Variants in TENM4 observed in about 807,000 individuals in gnomAD.
The protein encoded by TENM4 is teneurin-4.
In TENM4, 82 loss-of-function variants were observed where a neutral mutation model predicts 243.3. The ratio of observed to expected loss-of-function variants is 0.34; its 90% confidence interval spans 0.28 to 0.40. The LOEUF is 0.40. Among genes scored for constraint, TENM4 ranks in the 10% least tolerant of loss-of-function variants. The pLI is 1.00. For synonymous variants in TENM4, 1,412 were observed against 1,456.3 expected (o/e 0.97, Z 0.69); for missense variants, 3,138 against 3,673.3 (o/e 0.85, Z 3.77).
intron 2 of TENM4, among the ~76,000 whole-genome samples, chr11:79,269,370 G>A (rs1324347787): frequency 6.6e-6 from 1 of 152,212 alleles, no homozygotes; most frequent in Non-Finnish European, 1.5e-5. Context: ...AAGTTAGCCA[G>A]AGAATGTGTC....
intron 2 of TENM4, among the ~76,000 whole-genome samples, chr11:79,216,562 T>G (rs957940417): frequency 2.0e-5 from 3 of 152,234 alleles, no homozygotes; most frequent in African/African-American, 7.2e-5. Context: ...TGGAGGTGCC[T>G]GGATTGTGAT....
At chr11:79,430,341 C>A (rs1180283485) in intron 1 of TENM4, among the ~76,000 whole-genome samples, 1 of 152,140 alleles carries the variant, frequency 6.6e-6, no homozygotes. Context: ...TACAATGGCC[C>A]AGATGGGAAC....
chr11:79,314,745 T>C lies in TENM4; in HGVS notation c.-320-17202A>G, dbSNP rs569274499. On this transcript the variant is annotated intron_variant, in intron 1 of 33. Coordinates refer to ENST00000278550, the MANE Select transcript of TENM4 (RefSeq NM_001098816.3). ...AGGGGTAGAAAAGGGGAGTAAGACA[T>C]AATCCATATACTCATGGAGCTCACA... Among the ~76,000 whole-genome samples, 3 of 152,292 alleles carry C rather than the reference T, an allele frequency of 2.0e-5. No individual in the cohort carries two copies. In the South Asian group the frequency reaches 6.2e-4, roughly 32 times the overall value.
At chr11:79,089,074 C>T (rs1486971087) in intron 4 of TENM4, among the ~76,000 whole-genome samples, 1 of 152,194 alleles carries the variant, frequency 6.6e-6, no homozygotes, top group Non-Finnish European at 1.5e-5. Context: ...TGGTCTTCCT[C>T]CAGCTCTGGC....
rs186810044 is a variant in TENM4 at position 79,148,816 on chromosome 11, G to C, written c.-162-10C>G. The C allele has an allele frequency of 2.2e-6, 2 of 928,798 alleles. No homozygotes were observed. The highest frequency in any genetic ancestry group is 1.2e-4 in the Admixed American group (2 of 16,172). 57.5% of individuals were successfully genotyped at this position (928,798 alleles called of 1,614,324 possible). On this transcript the variant is annotated splice_polypyrimidine_tract_variant and intron_variant, in intron 3 of 33. Coordinates refer to ENST00000278550, the MANE Select transcript of TENM4 (RefSeq NM_001098816.3). ...GGTAATTTCAGTCTACCTGTTGAAA[G>C]AGACAAGAGACAAATCAGTCATTTT...
intron 2 of TENM4, among the ~76,000 whole-genome samples, chr11:79,294,246 A>T (rs186419198): frequency 1.1e-4 from 16 of 152,336 alleles, no homozygotes; most frequent in Admixed American, 3.3e-4. Flanking sequence ...GTCAGTCTCT[A>T]TGTGTCACTT....
chr11:79,062,676 C>G (rs552888664), intron 6 of TENM4, among the ~76,000 whole-genome samples: 1 of 152,276 alleles, frequency 6.6e-6, no homozygotes, highest in African/African-American at 2.4e-5. Context: ...TTCATTTAAA[C>G]TATTTATTTT....
chr11:78,843,142 G>T (rs1208962923), intron 12 of TENM4, among the ~76,000 whole-genome samples: 2 of 152,036 alleles, frequency 1.3e-5, no homozygotes, highest in East Asian at 3.9e-4. Context: ...GCTGGGCATG[G>T]TGGTGGGCGC....
intron 21 of TENM4, 34 bp downstream of exon 21, chr11:78,732,282 A>G: frequency 6.4e-7 from 1 of 1,556,540 alleles, no homozygotes; most frequent in Non-Finnish European, 8.7e-7. Context: ...ATGAAATAAA[A>G]GCATGGTGGA....
intron 1 of TENM4, among the ~76,000 whole-genome samples, chr11:79,379,199 G>A (rs980557025): frequency 6.6e-6 from 1 of 152,190 alleles, no homozygotes; most frequent in Non-Finnish European, 1.5e-5. Flanking sequence ...GTGGGTTCAA[G>A]GACAGAGCAG....
intron 4 of TENM4, among the ~76,000 whole-genome samples, chr11:79,106,096 T>C (rs1861358472): frequency 6.6e-6 from 1 of 152,246 alleles, no homozygotes; most frequent in Non-Finnish European, 1.5e-5. Context: ...AAGATAATCA[T>C]ATGAAGTGGA....
intron 16 of TENM4, among the ~76,000 whole-genome samples, chr11:78,784,412 C>T (rs1009758647): frequency 1.2e-4 from 18 of 152,090 alleles, no homozygotes; most frequent in Admixed American, 3.9e-4. Flanking sequence ...TCCTTCAGCA[C>T]GAGGGTGGTG....
intron 3 of TENM4, among the ~76,000 whole-genome samples, chr11:79,154,451 G>A (rs1862565035): frequency 2.0e-5 from 3 of 152,042 alleles, no homozygotes; most frequent in Admixed American, 2.0e-4. Context: ...TCCAACACTG[G>A]AGGTCACATT....
chr11:79,344,110 C>A (rs555555546), intron 1 of TENM4, among the ~76,000 whole-genome samples: 1 of 152,176 alleles, frequency 6.6e-6, no homozygotes, highest in Non-Finnish European at 1.5e-5. Context: ...TACTCCCAGA[C>A]CTAGGTGGGA....
Position 79,373,260 on chromosome 11 carries a change from G to A in TENM4, c.-321+67249C>T, listed in dbSNP as rs1045238037. ...TGGCTGACTGGATAGATGGATGAAT[G>A]AATAAAGGTGTAGATGGATGCATGG... On this transcript the variant is annotated intron_variant, in intron 1 of 33. Transcript: ENST00000278550. Among the ~76,000 whole-genome samples the A allele has an allele frequency of 5.9e-5, 9 of 151,846 alleles. No homozygotes were observed. The South Asian group carries it at 1.9e-3, about 32-fold the overall frequency.
At chr11:78,904,359 C>CAGAAAAAAAAAAAAA (rs1856014161) in intron 6 of TENM4, among the ~76,000 whole-genome samples, 1 of 77,268 alleles carries the variant, frequency 1.3e-5, no homozygotes, top group African/African-American at 7.6e-5. Context: ...GACTCTGTCT[C>CAGAAAAAAAAAAAAA]AAAAAAAAAA....
Position 79,194,968 on chromosome 11 carries a change from C to G in TENM4, c.-163+20840G>C, listed in dbSNP as rs530038633. Among the ~76,000 whole-genome samples the G allele has an allele frequency of 1.2e-4, 19 of 152,328 alleles. 1 individual carries two copies. The South Asian group carries it at 3.7e-3, about 30-fold the overall frequency. On this transcript the variant is annotated intron_variant, in intron 3 of 33. Transcript: ENST00000278550. ...GTTTTGTAGGCTGGGCCCAAGGTCC[C>G]TGTGCTGTGTGCAGCCTAGGGACTT...
At chr11:79,246,513 C>A (rs746422985) in intron 2 of TENM4, among the ~76,000 whole-genome samples, 1 of 152,116 alleles carries the variant, frequency 6.6e-6, no homozygotes, top group Non-Finnish European at 1.5e-5. Flanking sequence ...CAGTCAAACA[C>A]GGGAAATAAC....
chr11:78,812,135 C>G lies in TENM4; in HGVS notation c.1965G>C (p.Glu655Asp), dbSNP rs1367443440. The G allele has an allele frequency of 6.4e-7, 1 of 1,551,244 alleles. No individual in the cohort carries two copies. The highest frequency in any genetic ancestry group is 8.7e-7 in the Non-Finnish European group (1 of 1,146,960). Residue 655 changes from glutamate (E) to aspartate (D), a missense_variant, in exon 14 of 34, where the codon GAG (glutamate) becomes GAC (aspartate). By Grantham distance (45) the Glu-to-Asp change is conservative (BLOSUM62 2). Transcript: ENST00000278550. ...TCICNPGYKGESCEEVDCMDP... is the reference protein window; with the variant it reads ...TCICNPGYKGDSCEEVDCMDP... ...TGCAACTCTTACCTTCCTCACAGCT[C>G]TCGCCCTTGTAGCCAGGGTTGCAGA...
Sources: allele counts gnomAD v4.1 joint callset (sites outside exome capture counted in the v4.1 genomes callset), GRCh38; gene constraint gnomAD v4.1.1; transcripts MANE v1.5; gene names NCBI Gene and HGNC (gene_info 2026-07-23, HGNC 2026-07-21).